POLN: variants seen among roughly 807,000 people sequenced by gnomAD.
POLN encodes the protein DNA polymerase N.
In POLN, 108 loss-of-function variants were observed where a neutral mutation model predicts 113.5. The ratio of observed to expected loss-of-function variants is 0.95; its 90% CI spans 0.81 to 1.12. The LOEUF (loss-of-function observed/expected upper bound fraction) is 1.12, where lower values mean the gene tolerates loss of function less well. Ranked by LOEUF, POLN falls within the 50% of genes most tolerant of loss-of-function variation. The pLI, the probability that POLN is intolerant of heterozygous loss-of-function variation, is 0.00. For synonymous variants in POLN, 386 were observed against 391.5 expected (o/e 0.99, Z 0.17); for missense variants, 1,097 against 1,077.1 (o/e 1.02, Z -0.26).
At chr4:2,137,674 C>A (rs1203085080) in intron 16 of POLN, among the ~76,000 whole-genome samples, 1 of 152,212 alleles carries the variant, frequency 6.6e-6, no homozygotes, top group Non-Finnish European at 1.5e-5. Flanking sequence ...CCTCCCCAAC[C>A]TCTTGAACAC....
At chr4:2,227,236 T>G (rs1354713191) in intron 3 of POLN, among the ~76,000 whole-genome samples, 1 of 152,220 alleles carries the variant, frequency 6.6e-6, no homozygotes, top group African/African-American at 2.4e-5. Flanking sequence ...TGACAGGAAC[T>G]GGGGATGCCT....
At chr4:2,178,621 T>C (rs1023977108) in intron 8 of POLN, among the ~76,000 whole-genome samples, 1 of 152,110 alleles carries the variant, frequency 6.6e-6, no homozygotes, top group African/African-American at 2.4e-5. Flanking sequence ...ACAGTTTTTT[T>C]TTTTTTTTGA....
At position 2,093,377 on chromosome 4, in the gene POLN, C is replaced by A. The variant is rs563260917; in HGVS notation, c.2065+2474G>T. ...GAAGTGAAGTAGGACTCAGACGTAA[C>A]GGCAGATGACAGAGATGAGAGCTGA... On this transcript the variant is annotated intron_variant, in intron 20 of 25. Coordinates refer to ENST00000511885, the MANE Select transcript of POLN (RefSeq NM_181808.4). The surrounding 1 kb of genome is among the most constrained non-coding windows in gnomAD (Gnocchi z 4.1). Among the ~76,000 whole-genome samples the A allele has an allele frequency of 1.3e-5, 2 of 152,196 alleles. No homozygotes were observed. Among genetic ancestry groups the A allele is most frequent in the Non-Finnish European group, 1.5e-5 (1 of 68,032 alleles).
chr4:2,178,299 A>G (rs1042519011), intron 8 of POLN, among the ~76,000 whole-genome samples: 3 of 152,214 alleles, frequency 2.0e-5, no homozygotes, highest in Non-Finnish European at 4.4e-5. Flanking sequence ...TGCCCAGTAC[A>G]TGGCGTGGGC....
chr4:2,131,188 A>G (rs369455956), intron 17 of POLN, 45 bp downstream of exon 17: 3 of 1,384,786 alleles, frequency 2.2e-6, no homozygotes, highest in Non-Finnish European at 3.1e-6. Flanking sequence ...CTATCTCAAA[A>G]GAGAGTTACC....
At chr4:2,238,914 A>G (rs373429132) in intron 2 of POLN, 3 of 1,612,560 alleles carry the variant, frequency 1.9e-6, no homozygotes, top group African/African-American at 2.7e-5. Context: ...GGCATATTCA[A>G]TAACTGGGCA....
At chr4:2,152,258 G>A (rs980194528) in intron 16 of POLN, among the ~76,000 whole-genome samples, 5 of 150,962 alleles carry the variant, frequency 3.3e-5, no homozygotes, top group African/African-American at 7.3e-5. Context: ...GCCTGGTCTC[G>A]AACTCCTGAG....
intron 5 of POLN, among the ~76,000 whole-genome samples, chr4:2,200,405 C>T (rs1026180461): frequency 3.2e-4 from 49 of 152,220 alleles, no homozygotes; most frequent in Non-Finnish European, 4.3e-4. Context: ...AGAATGACTA[C>T]AAGAATAAAT....
intron 4 of POLN, among the ~76,000 whole-genome samples, chr4:2,208,962 T>G (rs1200202335): frequency 6.6e-6 from 1 of 151,808 alleles, no homozygotes; most frequent in Admixed American, 6.6e-5. Flanking sequence ...CACTCCAGCT[T>G]GGGTGACAAG....
chr4:2,193,265 AT>A lies in POLN; in HGVS notation c.959del (p.Asn320MetfsTer6). On this transcript the variant is annotated frameshift_variant, in exon 7 of 26. Transcript: ENST00000511885. LOFTEE classifies it high-confidence loss of function. ...GCACTATTCTCACAAAATCCTTAGC[AT>A]TAAAACAAATAACAGGACATTTACA... The part of the protein sequence containing the change: ...MKCKCPVICF[N>X]AKDFVRIVLQ... 1 of 1,611,046 alleles carries A rather than the reference AT, an allele frequency of 6.2e-7. No homozygotes were observed. The highest frequency in any genetic ancestry group is 2.2e-5 in the East Asian group (1 of 44,726).
chr4:2,123,796 C>A (rs561564028), intron 19 of POLN, among the ~76,000 whole-genome samples: 8 of 151,816 alleles, frequency 5.3e-5, no homozygotes, highest in East Asian at 1.9e-4. Context: ...CAGAGTGTAA[C>A]CTTGTCTCAA....
At position 2,161,553 on chromosome 4, in the gene POLN, C is replaced by T. The variant is rs551335584; in HGVS notation, c.1555-2342G>A. Among the ~76,000 whole-genome samples the T allele has an allele frequency of 2.2e-4, 34 of 152,372 alleles. No homozygotes were observed. The East Asian group carries it at 2.5e-3, about 11-fold the overall frequency. The stretch of plus-strand genomic sequence containing the variant: ...CCCGCCATGCCTTAGCCTCCCACCC[C>T]CTCCGTGGGCTCCTGTGCGGCTGGA... On this transcript the variant is annotated intron_variant, in intron 13 of 25. Transcript: ENST00000511885.
intron 19 of POLN, among the ~76,000 whole-genome samples, chr4:2,096,686 AAGAGAGAGAGAGAGAGAGAGAGAG>A (rs750844060): frequency 3.8e-5 from 5 of 130,008 alleles, no homozygotes; most frequent in Admixed American, 1.6e-4. Context: ...AGCCGAGAGA[AAGAGAGAGAGAGAGAGAGAGAGAG>A]AGAGAGAGAG....
chr4:2,131,479 T>C (rs905547981), intron 16 of POLN, among the ~76,000 whole-genome samples, 189 bp from the exon 17 acceptor site: 1 of 152,204 alleles, frequency 6.6e-6, no homozygotes. Context: ...CACCACTAAA[T>C]GTACTTAGCA....
At chr4:2,117,733 T>C (rs1731351466) in intron 19 of POLN, among the ~76,000 whole-genome samples, 1 of 152,258 alleles carries the variant, frequency 6.6e-6, no homozygotes, top group South Asian at 2.1e-4. Context: ...GCAAAGGTCC[T>C]GGATTAGGCC....
rs765532620 is a variant in POLN at position 2,208,074 on chromosome 4, G to T, written c.627C>A (p.Ser209Arg). ...CCTGTTTGAGCATTTCAATCAGCTG[G>T]CTTTTTGCCCAATCATCCAAATGCC... ...DIRHLDDWAK[S>R]QLIEMLKQAA... is the part of the protein sequence containing the mutation. Residue 209 changes from serine (S) to arginine (R), a missense_variant, in exon 5 of 26, where the codon AGC (serine) becomes AGA (arginine). Ser to Arg is a moderately radical substitution (Grantham distance 110, BLOSUM62 -1). Coordinates refer to ENST00000511885, the MANE Select transcript of POLN (RefSeq NM_181808.4). 6.2e-7 allele frequency: 1 copy of T among 1,614,158 alleles called. No individual in the cohort carries two copies. Among genetic ancestry groups the T allele is most frequent in the Non-Finnish European group, 8.5e-7 (1 of 1,180,016 alleles).
chr4:2,154,198 CAAAAAAAAAAAAA>C (rs58879582), intron 16 of POLN, among the ~76,000 whole-genome samples: 3 of 63,908 alleles, frequency 4.7e-5, no homozygotes, highest in Non-Finnish European at 7.6e-5. Context: ...TCCATCTCAA[CAAAAAAAAAAAAA>C]AAAAAAAAAA....
intron 2 of POLN, chr4:2,231,803 GTTCAA>G (rs1243207240): frequency 6.0e-5 from 36 of 598,224 alleles, no homozygotes; most frequent in African/African-American, 3.9e-4. Flanking sequence ...TAATATAATA[GTTCAA>G]TTCATCAAAT....
At chr4:2,214,870 C>T (rs954057484) in intron 3 of POLN, among the ~76,000 whole-genome samples, 13 of 150,176 alleles carry the variant, frequency 8.7e-5, no homozygotes, top group Non-Finnish European at 1.6e-4. Flanking sequence ...TATATATATA[C>T]ACACACACAT....
Sources: gnomAD v4.1 joint callset for allele counts (sites outside exome capture counted in the v4.1 genomes callset) on GRCh38, gnomAD v4.1.1 for gene constraint, Gnocchi (gnomAD v3.1) non-coding constraint, MANE v1.5 for transcripts, NCBI Gene and HGNC (gene_info 2026-07-23, HGNC 2026-07-21) for gene names.